PDE1C: variants seen among roughly 807,000 people sequenced by gnomAD.
PDE1C encodes the protein phosphodiesterase 1C.
PDE1C carries 62 observed loss-of-function variants against 93.1 expected under a neutral mutation model. The observed-to-expected ratio is 0.67, with a 90% CI of 0.54 to 0.82. The LOEUF is 0.82. PDE1C is among the 40% of genes least tolerant of loss of function. The pLI is 0.00. For synonymous variants in PDE1C, 325 were observed against 310.1 expected, an observed-to-expected ratio of 1.05 and a Z score of -0.50; for missense variants, 742 against 884.6, an observed-to-expected ratio of 0.84 and a Z score of 2.04.
At chr7:32,162,439 G>A (rs1801980148) in intron 3 of PDE1C, among the ~76,000 whole-genome samples, 1 of 152,160 alleles carries the variant, frequency 6.6e-6, no homozygotes, top group Non-Finnish European at 1.5e-5. Flanking sequence ...TACAAGAAAT[G>A]TATTGGAGTA....
At chr7:32,194,324 T>C (rs187922428) in intron 2 of PDE1C, among the ~76,000 whole-genome samples, 1 of 152,374 alleles carries the variant, frequency 6.6e-6, no homozygotes, top group East Asian at 1.9e-4. Flanking sequence ...TCTGTGGTGA[T>C]ATCCCCTGTT....
intron 1 of PDE1C, among the ~76,000 whole-genome samples, chr7:32,405,096 T>C (rs1004596392): frequency 1.3e-5 from 2 of 152,218 alleles, no homozygotes; most frequent in East Asian, 1.9e-4. Flanking sequence ...CAGGGTAACA[T>C]ACCTCTTCTG....
chr7:32,067,898 AG>A (rs777321743), intron 1 of PDE1C, among the ~76,000 whole-genome samples: 2 of 152,198 alleles, frequency 1.3e-5, no homozygotes, highest in African/African-American at 2.4e-5. Context: ...ATGCTGTTCT[AG>A]GTATTGCAGT....
chr7:32,384,426 G>A (rs1784589534), intron 1 of PDE1C, among the ~76,000 whole-genome samples: 1 of 152,192 alleles, frequency 6.6e-6, no homozygotes, highest in African/African-American at 2.4e-5. Flanking sequence ...AGGGTACCAT[G>A]GGAACACATG....
intron 1 of PDE1C, among the ~76,000 whole-genome samples, chr7:32,377,251 G>A (rs1353269223): frequency 6.6e-6 from 1 of 152,176 alleles, no homozygotes; most frequent in African/African-American, 2.4e-5. Context: ...AAAGAGTTCA[G>A]GAAACCTGAT....
chr7:31,846,205 A>ATACATACT (rs1389475010), intron 9 of PDE1C, among the ~76,000 whole-genome samples: 2 of 150,372 alleles, frequency 1.3e-5, no homozygotes, highest in African/African-American at 4.9e-5. Context: ...TACTTCTGTT[A>ATACATACT]TACATACTTT....
chr7:31,688,978 G>T, the PDE1C span, among the ~76,000 whole-genome samples: 59 of 152,334 alleles, frequency 3.9e-4, no homozygotes, highest in African/African-American at 1.4e-3. Context: ...GAAAGAATGT[G>T]AATTTTTTGT....
intron 3 of PDE1C, among the ~76,000 whole-genome samples, chr7:32,167,968 C>T (rs1228683646): frequency 6.6e-6 from 1 of 152,140 alleles, no homozygotes; most frequent in Non-Finnish European, 1.5e-5. Flanking sequence ...GCTGATCATG[C>T]CACCACAGTT....
chr7:32,043,630 C>T (rs1792136258), intron 2 of PDE1C, among the ~76,000 whole-genome samples: 1 of 152,108 alleles, frequency 6.6e-6, no homozygotes, highest in African/African-American at 2.4e-5. Flanking sequence ...TAAGCACCTC[C>T]AGGATTAATG....
At chr7:32,278,436 C>T (rs1811427395) in intron 1 of PDE1C, among the ~76,000 whole-genome samples, 1 of 152,216 alleles carries the variant, frequency 6.6e-6, no homozygotes, top group South Asian at 2.1e-4. Flanking sequence ...AATTCTTCCT[C>T]ACCTAAAGAC....
chr7:31,862,014 T>C (rs1325717928), intron 7 of PDE1C, among the ~76,000 whole-genome samples: 2 of 152,218 alleles, frequency 1.3e-5, no homozygotes, highest in African/African-American at 4.8e-5. Flanking sequence ...CTTCTGCTCC[T>C]TGAATGTAGC....
At chr7:32,298,616 G>A (rs1370054025) in intron 1 of PDE1C, 3 of 1,574,230 alleles carry the variant, frequency 1.9e-6, no homozygotes, top group Non-Finnish European at 8.6e-7. Context: ...GCGTTTGCCC[G>A]AGCCAGGAGT....
intron 1 of PDE1C, among the ~76,000 whole-genome samples, chr7:32,064,468 T>C (rs1374850511): frequency 6.6e-6 from 1 of 152,174 alleles, no homozygotes; most frequent in Non-Finnish European, 1.5e-5. Context: ...ACATGCCCCC[T>C]GTTCTTTCAT....
intron 16 of PDE1C, among the ~76,000 whole-genome samples, chr7:31,779,505 CT>C (rs1485471433): frequency 5.3e-5 from 8 of 152,166 alleles, no homozygotes; most frequent in Admixed American, 1.3e-4. Context: ...TAAGGGAACT[CT>C]GGGAACCTTG....
intron 16 of PDE1C, among the ~76,000 whole-genome samples, chr7:31,776,564 T>G (rs1014768476): frequency 2.1e-4 from 32 of 152,044 alleles, no homozygotes; most frequent in Non-Finnish European, 1.2e-4. Context: ...GCCAAAAAAT[T>G]TTACATTTTT....
At chr7:32,139,864 T>C (rs1800418859) in intron 3 of PDE1C, among the ~76,000 whole-genome samples, 1 of 152,142 alleles carries the variant, frequency 6.6e-6, no homozygotes, top group African/African-American at 2.4e-5. Context: ...ATGAACATGA[T>C]GCTTGGAACC....
chr7:32,128,297 A>G (rs1014163045), intron 3 of PDE1C, among the ~76,000 whole-genome samples: 6 of 151,934 alleles, frequency 3.9e-5, no homozygotes, highest in African/African-American at 1.4e-4. Flanking sequence ...AGAAATATTT[A>G]TATGTAGTGG....
Position 32,070,344 on chromosome 7 carries a change from T to C in PDE1C, c.50A>G (p.Lys17Arg). Residue 17 changes from lysine to arginine, a missense_variant, in exon 1 of 18, where the codon AAA (lysine) becomes AGA (arginine). Around this residue, in one of 4 missense-constraint regions of PDE1C, gnomAD observed 74 missense variants for 88.2 expected, o/e 0.84. Transcript: ENST00000396191. Reference sequence around the variant, plus strand: ...CTCGATCTGTTCCGGTTGCAGGTATTTCAGAGAGTTGCTCTCAAATTCTTC... The same window carrying C: ...CTCGATCTGTTCCGGTTGCAGGTATCTCAGAGAGTTGCTCTCAAATTCTTC... ...EIEEFESNSL[K>R]YLQPEQIEKI... 4 of 1,614,202 alleles carry C rather than the reference T, an allele frequency of 2.5e-6. No homozygotes were observed. Among genetic ancestry groups the C allele is most frequent in the Non-Finnish European group, 3.4e-6 (4 of 1,180,036 alleles).
At chr7:31,896,783 G>A (rs1326970092) in intron 2 of PDE1C, among the ~76,000 whole-genome samples, 1 of 152,190 alleles carries the variant, frequency 6.6e-6, no homozygotes, top group East Asian at 1.9e-4. Context: ...ACCTTGTGGG[G>A]TGGGACAACA....
Sources: allele counts gnomAD v4.1 joint callset (sites outside exome capture counted in the v4.1 genomes callset), GRCh38; gene constraint gnomAD v4.1.1; regional missense constraint gnomAD v4.1.1; transcripts MANE v1.5; gene names NCBI Gene and HGNC (gene_info 2026-07-23, HGNC 2026-07-21).